The following SLC14A2 variants were observed in gnomAD, a reference collection of about 807,000 sequenced individuals.
SLC14A2 encodes the protein solute carrier family 14 member 2, also known as urea transporter 2.
Under a neutral mutation model 104.6 loss-of-function variants are expected in SLC14A2, and 91 were observed. That is an observed-to-expected ratio of 0.87 (90% CI 0.73 to 1.04). The LOEUF is 1.04. Among genes scored for constraint, SLC14A2 ranks in the 50% least tolerant of loss-of-function variants. SLC14A2 has a pLI of 0.00. For synonymous variants in SLC14A2, 476 were observed against 466.4 expected, an observed-to-expected ratio of 1.02 and a Z score of -0.27; for missense variants, 1,189 against 1,156.0, an observed-to-expected ratio of 1.03 and a Z score of -0.41.
chr18:45,394,338 A>G (rs940570012), intron 1 of SLC14A2, among the ~76,000 whole-genome samples: 6 of 152,206 alleles, frequency 3.9e-5, no homozygotes, highest in Non-Finnish European at 7.3e-5. Flanking sequence ...AGGAAATCAC[A>G]GAATCATGCT....
At chr18:45,646,632 T>C (rs2045631392) in intron 10 of SLC14A2, 1 of 152,156 alleles carries the variant, frequency 6.6e-6, no homozygotes, top group Non-Finnish European at 1.5e-5. Context: ...TTGGACAAGA[T>C]TATCGCTTTC....
chr18:45,372,271 C>A (rs2085730894), intron 1 of SLC14A2, among the ~76,000 whole-genome samples: 1 of 151,880 alleles, frequency 6.6e-6, no homozygotes, highest in South Asian at 2.1e-4. Flanking sequence ...AAGATCATGC[C>A]ACTGCACTCC....
intron 1 of SLC14A2, among the ~76,000 whole-genome samples, chr18:45,326,384 A>G (rs1379689782): frequency 2.0e-5 from 3 of 152,252 alleles, no homozygotes; most frequent in Middle Eastern, 3.4e-3. Flanking sequence ...TCAAAACTAC[A>G]GGAGTATACC....
chr18:45,362,228 G>A (rs2085619476), intron 1 of SLC14A2, among the ~76,000 whole-genome samples: 1 of 152,230 alleles, frequency 6.6e-6, no homozygotes, highest in South Asian at 2.1e-4. Context: ...CCCCAGCCAT[G>A]CAGAACTGTG....
At chr18:45,643,516 G>A (rs2045567482) in intron 9 of SLC14A2, among the ~76,000 whole-genome samples, 1 of 152,134 alleles carries the variant, frequency 6.6e-6, no homozygotes, top group Non-Finnish European at 1.5e-5. Flanking sequence ...TCTGATTGTG[G>A]CTCAAATTAT....
At chr18:45,201,512 C>T in the SLC14A2 span, among the ~76,000 whole-genome samples, 2 of 151,206 alleles carry the variant, frequency 1.3e-5, no homozygotes, top group African/African-American at 2.4e-5. Context: ...CTCTTGTGTT[C>T]CTTTGACATA....
chr18:45,475,658 T>TATATATTTAGG (rs1216832421), intron 1 of SLC14A2, among the ~76,000 whole-genome samples: 15 of 89,934 alleles, frequency 1.7e-4, no homozygotes, highest in African/African-American at 8.3e-4. Flanking sequence ...TATATATATA[T>TATATATTTAGG]ATATATATAT....
At chr18:45,439,817 G>A (rs2086654615) in intron 1 of SLC14A2, among the ~76,000 whole-genome samples, 1 of 152,126 alleles carries the variant, frequency 6.6e-6, no homozygotes, top group South Asian at 2.1e-4. Context: ...CCACTCCAGG[G>A]AAAGACTTGA....
intron 1 of SLC14A2, among the ~76,000 whole-genome samples, chr18:45,249,544 T>C (rs2084401361): frequency 6.6e-6 from 1 of 152,216 alleles, no homozygotes; most frequent in African/African-American, 2.4e-5. Flanking sequence ...TGTGGTCTTT[T>C]AAGAAACATC....
intron 1 of SLC14A2, among the ~76,000 whole-genome samples, chr18:45,363,988 C>A (rs1423156995): frequency 6.6e-6 from 1 of 152,174 alleles, no homozygotes; most frequent in Non-Finnish European, 1.5e-5. Context: ...TCCTCAATTG[C>A]TTTGCCAAAA....
rs551201097 is a variant in SLC14A2, at chr18:45,343,984, C to T, written c.-125+130793C>T. ...AGGGAAACTGTATGAGGGCTCGTCT[C>T]CCAAGAAAGCAACATTTGTGATGCA... On this transcript the variant is annotated intron_variant, in intron 1 of 20. Transcript: ENST00000586448. 2.6e-5 allele frequency among the ~76,000 whole-genome samples: 4 copies of T among 152,262 alleles called. No individual in the cohort carries two copies. The South Asian group carries it at 6.2e-4, about 24-fold the overall frequency.
chr18:45,422,989 T>A (rs896885527), intron 1 of SLC14A2, among the ~76,000 whole-genome samples: 13 of 152,190 alleles, frequency 8.5e-5, no homozygotes, highest in Non-Finnish European at 1.9e-4. Flanking sequence ...ATCTTACTTT[T>A]CTACCTCGTT....
At chr18:45,552,942 C>T (rs2044076931) in intron 2 of SLC14A2, among the ~76,000 whole-genome samples, 1 of 152,096 alleles carries the variant, frequency 6.6e-6, no homozygotes, top group Non-Finnish European at 1.5e-5. Context: ...TTAGGAGAAC[C>T]TAATATTTTA....
chr18:45,537,571 C>T (rs2043813584), intron 2 of SLC14A2, among the ~76,000 whole-genome samples: 1 of 152,160 alleles, frequency 6.6e-6, no homozygotes, highest in Non-Finnish European at 1.5e-5. Context: ...CAGAGAGGAA[C>T]AGAAGACAGC....
In SLC14A2 at chr18:45,524,123, G is replaced by A. The variant is rs916234734; in HGVS notation, c.-35+40801G>A. Among the ~76,000 whole-genome samples the A allele has an allele frequency of 2.0e-5, 3 of 152,046 alleles. No individual in the cohort carries two copies. In the East Asian group the frequency reaches 5.8e-4, roughly 29 times the overall value. On this transcript the variant is annotated intron_variant, in intron 2 of 20. Coordinates refer to the SLC14A2 transcript ENST00000586448. ...AACAAGTATAAAGCACCTGGATGGAGCCTGGTCCTTAGTGGGTGCTCAATA... is the reference window on the plus strand; with the variant it reads ...AACAAGTATAAAGCACCTGGATGGAACCTGGTCCTTAGTGGGTGCTCAATA...
chr18:45,183,277 A>G, the SLC14A2 span, among the ~76,000 whole-genome samples: 1 of 152,156 alleles, frequency 6.6e-6, no homozygotes, highest in South Asian at 2.1e-4. Context: ...GTGAAGGCTG[A>G]TAACACCTCT....
chr18:45,239,960 A>T (rs757563594), intron 1 of SLC14A2, among the ~76,000 whole-genome samples: 2 of 151,972 alleles, frequency 1.3e-5, no homozygotes, highest in Non-Finnish European at 2.9e-5. Context: ...TTCTTTTTTT[A>T]TGGCTGAATA....
At chr18:45,674,936 G>A (rs534266708) in intron 18 of SLC14A2, among the ~76,000 whole-genome samples, 17 of 152,306 alleles carry the variant, frequency 1.1e-4, no homozygotes, top group African/African-American at 3.6e-4. Context: ...ACCTCCCCAA[G>A]TCCCAGCCTT....
intron 1 of SLC14A2, among the ~76,000 whole-genome samples, chr18:45,439,835 TG>T (rs1439985640): frequency 6.6e-6 from 1 of 152,216 alleles, no homozygotes; most frequent in Non-Finnish European, 1.5e-5. Flanking sequence ...TGACACCAGT[TG>T]GCCTTTTACA....
Sources: gnomAD v4.1 joint callset for allele counts (sites outside exome capture counted in the v4.1 genomes callset) on GRCh38, gnomAD v4.1.1 for gene constraint, MANE v1.5 for transcripts, NCBI Gene and HGNC (gene_info 2026-07-23, HGNC 2026-07-21) for gene names.